BTD: variants seen among roughly 807,000 people sequenced by gnomAD.
BTD encodes biocytinase.
Under a neutral mutation model 17.7 loss-of-function variants are expected in BTD, and 13 were observed. The observed-to-expected ratio is 0.74, with a 90% CI of 0.48 to 1.17. The LOEUF (loss-of-function observed/expected upper bound fraction) is 1.17. Ranked by LOEUF, BTD falls within the 50% of genes most tolerant of loss-of-function variation. The probability of loss-of-function intolerance (pLI) is 0.00; values close to 1 mark genes in which losing one functional copy is unlikely to be tolerated. For missense variants in BTD, 674 were observed against 650.4 expected (o/e 1.04, Z -0.39); for synonymous variants, 240 against 245.2 (o/e 0.98, Z 0.20).
At chr3:15,602,661 G>A (rs2064303737) in intron 1 of BTD, among the ~76,000 whole-genome samples, 1 of 152,040 alleles carries the variant, frequency 6.6e-6, no homozygotes, top group African/African-American at 2.4e-5. Context: ...GAGGGGAGTG[G>A]GTCATGGGTA....
intron 1 of BTD, among the ~76,000 whole-genome samples, chr3:15,611,904 A>G (rs73148200): frequency 0.025 from 3,853 of 152,002 alleles, 158 homozygotes; most frequent in African/African-American, 0.084. Context: ...TTCTGCATTT[A>G]TAGATTTCTC....
chr3:15,722,145 C>T (rs540070915), exon 5 of BTD, among the ~76,000 whole-genome samples: 1 of 152,236 alleles, frequency 6.6e-6, no homozygotes, highest in Non-Finnish European at 1.5e-5. Context: ...TTGCCCCTGG[C>T]TTCAGGGAGG....
At chr3:15,617,413 A>G (rs2064825874) in intron 1 of BTD, among the ~76,000 whole-genome samples, 1 of 152,196 alleles carries the variant, frequency 6.6e-6, no homozygotes, top group African/African-American at 2.4e-5. Context: ...TGTACTTTAT[A>G]TTTAGATCTA....
At chr3:15,628,080 T>C (rs1409258172) in intron 1 of BTD, among the ~76,000 whole-genome samples, 1 of 152,236 alleles carries the variant, frequency 6.6e-6, no homozygotes, top group South Asian at 2.1e-4. Flanking sequence ...ACCCACCACA[T>C]TGTTCTCCAC....
At chr3:15,665,776 T>C (rs1271901515) in intron 3 of BTD, among the ~76,000 whole-genome samples, 2 of 152,206 alleles carry the variant, frequency 1.3e-5, no homozygotes, top group African/African-American at 4.8e-5. Context: ...ACCATACTTG[T>C]GTGGTTGGGC....
intron 3 of BTD, among the ~76,000 whole-genome samples, chr3:15,673,676 T>C (rs1267982004): frequency 6.6e-6 from 1 of 152,154 alleles, no homozygotes; most frequent in Admixed American, 6.5e-5. Context: ...AAGATGAAAC[T>C]GGAGCTAAGA....
At chr3:15,680,793 G>A (rs953091571) in intron 3 of BTD, among the ~76,000 whole-genome samples, 1 of 150,740 alleles carries the variant, frequency 6.6e-6, no homozygotes, top group Non-Finnish European at 1.5e-5. Flanking sequence ...AGCCTCCTGA[G>A]TTGCTAAGAC....
At chr3:15,694,537 G>A (rs2069258932) in intron 3 of BTD, among the ~76,000 whole-genome samples, 3 of 146,304 alleles carry the variant, frequency 2.1e-5, no homozygotes, top group African/African-American at 5.0e-5. Flanking sequence ...TTTTTCTAAA[G>A]CAAGAAACAG....
chr3:15,685,500 C>G, intron 3 of BTD: 1 of 1,530,506 alleles, frequency 6.5e-7, no homozygotes, highest in Non-Finnish European at 9.0e-7. Flanking sequence ...CATTACATGC[C>G]AATTTCAGCT....
chr3:15,614,216 T>G (rs796651215), intron 1 of BTD, among the ~76,000 whole-genome samples: 4 of 151,852 alleles, frequency 2.6e-5, no homozygotes, highest in African/African-American at 7.2e-5. Context: ...CTTAAACTCC[T>G]GGGCTCAAGC....
At chr3:15,692,195 T>C (rs2068902356) in intron 3 of BTD, among the ~76,000 whole-genome samples, 1 of 146,940 alleles carries the variant, frequency 6.8e-6, no homozygotes, top group Non-Finnish European at 1.5e-5. Flanking sequence ...CTCACACCTA[T>C]ATCTCAGCAC....
At chr3:15,709,773 C>G in intron 3 of BTD, 5 of 1,378,344 alleles carry the variant, frequency 3.6e-6, no homozygotes, top group Non-Finnish European at 5.0e-6. Flanking sequence ...ACTTAATTGA[C>G]AGTGATTTTA....
chr3:15,637,662 A>G (rs1025690138), intron 2 of BTD, among the ~76,000 whole-genome samples: 3 of 152,170 alleles, frequency 2.0e-5, no homozygotes, highest in Non-Finnish European at 4.4e-5. Flanking sequence ...TCCTGATGAC[A>G]CTGATCTCCT....
chr3:15,683,080 TAGAA>T (rs2067709347), intron 3 of BTD, among the ~76,000 whole-genome samples: 1 of 152,148 alleles, frequency 6.6e-6, no homozygotes, highest in African/African-American at 2.4e-5. Context: ...AACACTGTAA[TAGAA>T]AGCAACTCTC....
chr3:15,718,200 T>C (rs1340357952), intron 4 of BTD, among the ~76,000 whole-genome samples: 1 of 152,180 alleles, frequency 6.6e-6, no homozygotes, highest in Non-Finnish European at 1.5e-5. Context: ...GAAATCAACA[T>C]GGGAAATGTG....
chr3:15,649,822 G>A lies in BTD; in HGVS notation c.*4334G>A, dbSNP rs190185317. Among the ~76,000 whole-genome samples the A allele has an allele frequency of 1.3e-5, 2 of 152,202 alleles. No homozygotes were observed. Among genetic ancestry groups the A allele is most frequent in the Non-Finnish European group, 2.9e-5 (2 of 68,022 alleles). Reference sequence around the variant, plus strand: ...CTTTCTCATTGAACTATTTATCTGAGTTCCCTCTGCCGGAACATGAGCCAT... The same window carrying A: ...CTTTCTCATTGAACTATTTATCTGAATTCCCTCTGCCGGAACATGAGCCAT... On this transcript the variant is annotated 3_prime_UTR_variant, in exon 4 of 4. Transcript: ENST00000643237.
chr3:15,615,114 C>G (rs1345981679), intron 1 of BTD, among the ~76,000 whole-genome samples: 3 of 152,116 alleles, frequency 2.0e-5, no homozygotes, highest in African/African-American at 7.2e-5. Flanking sequence ...TTCTTCAACC[C>G]AGGACACTCA....
intron 3 of BTD, chr3:15,676,078 A>G: frequency 8.9e-7 from 1 of 1,119,826 alleles, no homozygotes; most frequent in Non-Finnish European, 1.3e-6. Context: ...CATTTTTGTC[A>G]ACTTGTGAAG....
chr3:15,700,761 A>C (rs1480742419), intron 3 of BTD, among the ~76,000 whole-genome samples: 1 of 152,200 alleles, frequency 6.6e-6, no homozygotes, highest in Non-Finnish European at 1.5e-5. Flanking sequence ...CGACAGAGTG[A>C]GACTGCAAAA....
Sources: allele counts gnomAD v4.1 joint callset (sites outside exome capture counted in the v4.1 genomes callset), GRCh38; gene constraint gnomAD v4.1.1; transcripts MANE v1.5; gene names NCBI Gene and HGNC (gene_info 2026-07-23, HGNC 2026-07-21).